PTPRK: variants seen among roughly 807,000 people sequenced by gnomAD.
PTPRK encodes the protein receptor-type tyrosine-protein phosphatase kappa.
In PTPRK, 75 loss-of-function variants were observed where a neutral mutation model predicts 178.0. The ratio of observed to expected loss-of-function variants is 0.42; its 90% CI spans 0.35 to 0.51. The LOEUF is 0.51. Among genes scored for constraint, PTPRK ranks in the 20% least tolerant of loss-of-function variants. The pLI, the probability that PTPRK is intolerant of heterozygous loss-of-function variation, is 0.02. For missense variants in PTPRK, 1,441 were observed against 1,797.8 expected, an observed-to-expected ratio of 0.80 and a Z score of 3.59; for synonymous variants, 637 against 620.6, an observed-to-expected ratio of 1.03 and a Z score of -0.39.
At chr6:128,493,398 T>TA (rs1584957799) in intron 1 of PTPRK, among the ~76,000 whole-genome samples, 2 of 151,706 alleles carry the variant, frequency 1.3e-5, no homozygotes, top group South Asian at 2.1e-4. Flanking sequence ...CTGTCTCTAC[T>TA]AAAAATACAA....
At chr6:128,292,464 T>C (rs1823545215) in intron 3 of PTPRK, among the ~76,000 whole-genome samples, 1 of 152,122 alleles carries the variant, frequency 6.6e-6, no homozygotes, top group Admixed American at 6.6e-5. Context: ...AAAATTAATA[T>C]GTGAATAAAT....
chr6:128,040,135 CCT>C (rs1214485406), intron 13 of PTPRK, among the ~76,000 whole-genome samples: 1 of 152,060 alleles, frequency 6.6e-6, no homozygotes, highest in African/African-American at 2.4e-5. Flanking sequence ...CAATTTTTAT[CCT>C]CTGTTTTCCT....
intron 9 of PTPRK, among the ~76,000 whole-genome samples, chr6:128,083,158 T>C (rs1785120478): frequency 6.6e-6 from 1 of 152,108 alleles, no homozygotes; most frequent in African/African-American, 2.4e-5. Context: ...ATCAACGCTA[T>C]GTAGGAACAG....
intron 3 of PTPRK, among the ~76,000 whole-genome samples, chr6:128,259,170 T>C (rs1817800462): frequency 6.6e-6 from 1 of 152,080 alleles, no homozygotes; most frequent in African/African-American, 2.4e-5. Context: ...AAACAGGAGA[T>C]GACAACAACT....
At chr6:128,109,761 A>C (rs573971566) in intron 7 of PTPRK, among the ~76,000 whole-genome samples, 16 of 152,330 alleles carry the variant, frequency 1.1e-4, no homozygotes, top group Non-Finnish European at 2.1e-4. Context: ...CTCTGTAGTA[A>C]AGCAAACAAC....
intron 4 of PTPRK, among the ~76,000 whole-genome samples, chr6:128,242,029 G>A (rs1485409506): frequency 1.3e-5 from 2 of 149,836 alleles, no homozygotes; most frequent in African/African-American, 2.5e-5. Flanking sequence ...GACCTCATGA[G>A]TTAGCCAGAC....
intron 6 of PTPRK, among the ~76,000 whole-genome samples, chr6:128,207,945 A>C (rs780942287): frequency 3.9e-5 from 6 of 152,086 alleles, no homozygotes; most frequent in Non-Finnish European, 8.8e-5. Context: ...AAAGTTTAAT[A>C]AATCAAAATG....
chr6:128,004,370 T>C (rs562799591), intron 15 of PTPRK, among the ~76,000 whole-genome samples: 2 of 151,958 alleles, frequency 1.3e-5, no homozygotes, highest in East Asian at 3.9e-4. Flanking sequence ...AATTTGAAAA[T>C]AAACAGTAAT....
At chr6:128,410,076 C>A (rs150770880) in intron 1 of PTPRK, among the ~76,000 whole-genome samples, 2 of 152,138 alleles carry the variant, frequency 1.3e-5, no homozygotes, top group African/African-American at 4.8e-5. Context: ...TTGGTTATTA[C>A]CATAGATTTT....
intron 21 of PTPRK, 120 bp downstream of exon 21, chr6:127,990,649 G>C (rs1251461389): frequency 1.5e-6 from 1 of 659,968 alleles, no homozygotes; most frequent in Non-Finnish European, 2.7e-6. Flanking sequence ...ATAAACATTT[G>C]TGGAATGAAT....
chr6:128,077,696 TA>T (rs1189628179), intron 11 of PTPRK, among the ~76,000 whole-genome samples: 1 of 152,060 alleles, frequency 6.6e-6, no homozygotes, highest in African/African-American at 2.4e-5. Flanking sequence ...AGAAGTTTGA[TA>T]ACAAAATGTC....
At chr6:128,164,650 G>C (rs1799139306) in intron 7 of PTPRK, among the ~76,000 whole-genome samples, 1 of 151,080 alleles carries the variant, frequency 6.6e-6, no homozygotes, top group African/African-American at 2.4e-5. Context: ...TCTTTAGCTG[G>C]CATAAACTGG....
chr6:128,003,009 C>G (rs991064187), intron 15 of PTPRK, among the ~76,000 whole-genome samples: 4 of 151,830 alleles, frequency 2.6e-5, no homozygotes, highest in Admixed American at 2.6e-4. Flanking sequence ...AAATAGCATG[C>G]CTTGCTAATT....
intron 6 of PTPRK, among the ~76,000 whole-genome samples, chr6:128,188,170 A>G (rs1803103047): frequency 1.3e-5 from 2 of 152,212 alleles, no homozygotes; most frequent in Non-Finnish European, 1.5e-5. Context: ...TTAACTTCCA[A>G]TTAATGACTT....
At chr6:128,257,288 C>A (rs1817496496) in intron 3 of PTPRK, among the ~76,000 whole-genome samples, 1 of 150,042 alleles carries the variant, frequency 6.7e-6, no homozygotes, top group Admixed American at 6.6e-5. Context: ...GCATGGACTT[C>A]TACACCACAA....
intron 2 of PTPRK, among the ~76,000 whole-genome samples, chr6:128,375,555 G>T (rs1256998390): frequency 6.6e-6 from 1 of 152,042 alleles, no homozygotes; most frequent in Non-Finnish European, 1.5e-5. Context: ...TTTTGGTGGG[G>T]ACACAGCCAG....
intron 1 of PTPRK, among the ~76,000 whole-genome samples, chr6:128,476,042 G>A (rs1045039260): frequency 6.6e-6 from 1 of 151,962 alleles, no homozygotes; most frequent in African/African-American, 2.4e-5. Context: ...ACCAAAACAA[G>A]TTTTCCATTA....
intron 1 of PTPRK, among the ~76,000 whole-genome samples, chr6:128,467,277 C>G (rs893270044): frequency 3.3e-5 from 5 of 152,176 alleles, no homozygotes; most frequent in African/African-American, 9.7e-5. Flanking sequence ...AGCCATTGGA[C>G]TGGCCTAGTG....
chr6:127,976,703 T>A lies in PTPRK; in HGVS notation c.3923A>T (p.Asp1308Val). The change falls in exon 27 of 30, where the codon GAC becomes GTC. Residue 1308 changes from aspartate (D) to valine (V), a missense_variant. Physicochemically the swap from Asp to Val is radical, Grantham distance 152 (BLOSUM62 -3). Coordinates refer to ENST00000368226, the MANE Select transcript of PTPRK (RefSeq NM_002844.4). ...IQVECMSCSM[D>V]CDVINRIFRI... ...AAAAATCCGGTTGATCACATCACAG[T>A]CCATTGAACAAGACATACATTCCAC... The A allele has an allele frequency of 6.2e-7, 1 of 1,613,940 alleles. No homozygotes were observed. The highest frequency in any genetic ancestry group is 8.5e-7 in the Non-Finnish European group (1 of 1,179,934).
Sources: gnomAD v4.1 joint callset for allele counts (sites outside exome capture counted in the v4.1 genomes callset) on GRCh38, gnomAD v4.1.1 for gene constraint, MANE v1.5 for transcripts, NCBI Gene and HGNC (gene_info 2026-07-23, HGNC 2026-07-21) for gene names.